LRRC4C: variants seen among roughly 807,000 people sequenced by gnomAD.
LRRC4C encodes leucine-rich repeat-containing protein 4C.
Under a neutral mutation model 33.6 loss-of-function variants are expected in LRRC4C, and 5 were observed. That is an observed-to-expected ratio of 0.15 (90% CI 0.08 to 0.31). LRRC4C has a LOEUF of 0.31. LRRC4C is among the 10% of genes least tolerant of loss of function. The pLI is 1.00. For missense variants in LRRC4C, 560 were observed against 796.7 expected (o/e 0.70, Z 3.58); for synonymous variants, 329 against 302.0 (o/e 1.09, Z -0.93).
At chr11:41,352,998 C>T (rs1186753920) in intron 1 of LRRC4C, among the ~76,000 whole-genome samples, 1 of 151,968 alleles carries the variant, frequency 6.6e-6, no homozygotes, top group Non-Finnish European at 1.5e-5. Context: ...CCAATGCTAG[C>T]AGACTTTTTC....
intron 1 of LRRC4C, among the ~76,000 whole-genome samples, chr11:41,408,028 T>C (rs1157643091): frequency 6.6e-6 from 1 of 152,200 alleles, no homozygotes; most frequent in Non-Finnish European, 1.5e-5. Context: ...AGCCAGGCTG[T>C]ATGTTAGGCC....
chr11:41,089,587 A>T (rs542899966), intron 1 of LRRC4C, among the ~76,000 whole-genome samples: 1 of 151,034 alleles, frequency 6.6e-6, no homozygotes, highest in African/African-American at 2.5e-5. Flanking sequence ...TAAATCTATA[A>T]TTTTTGTAAA....
intron 2 of LRRC4C, among the ~76,000 whole-genome samples, chr11:40,743,524 A>C (rs910926581): frequency 6.6e-6 from 1 of 152,170 alleles, no homozygotes; most frequent in Middle Eastern, 3.4e-3. Flanking sequence ...CACCTATATT[A>C]TAGGGTTGTA....
intron 1 of LRRC4C, among the ~76,000 whole-genome samples, chr11:41,229,328 T>G (rs1947679908): frequency 6.6e-6 from 1 of 152,096 alleles, no homozygotes; most frequent in Non-Finnish European, 1.5e-5. Context: ...TGGTTGGCAT[T>G]TGGATCTTAG....
intron 3 of LRRC4C, among the ~76,000 whole-genome samples, chr11:40,409,834 G>T (rs187326640): frequency 6.6e-6 from 1 of 152,128 alleles, no homozygotes; most frequent in African/African-American, 2.4e-5. Context: ...GTTCCTCAAA[G>T]AATTGAAAAT....
chr11:41,249,279 C>A lies in LRRC4C; in HGVS notation c.-496+210152G>T, dbSNP rs192911179. Among the ~76,000 whole-genome samples the A allele has an allele frequency of 1.4e-3, 208 of 152,190 alleles. 3 individuals carry two copies. The highest frequency in any genetic ancestry group is 1.8e-3 in the Non-Finnish European group (120 of 67,996). On this transcript the variant is annotated intron_variant, in intron 1 of 6. Coordinates refer to ENST00000528697, the MANE Select transcript of LRRC4C (RefSeq NM_001258419.2). ...TCGATCTCCTGGCCTCGTGATCTGCCCTCCTCGGCCTCCCAAAGTGCTGGG... is the reference window on the plus strand; with the variant it reads ...TCGATCTCCTGGCCTCGTGATCTGCACTCCTCGGCCTCCCAAAGTGCTGGG...
At chr11:40,763,383 G>A (rs1262127771) in intron 2 of LRRC4C, among the ~76,000 whole-genome samples, 1 of 152,032 alleles carries the variant, frequency 6.6e-6, no homozygotes, top group Non-Finnish European at 1.5e-5. Context: ...AATAGGGCAG[G>A]AGGCAGAGCA....
intron 1 of LRRC4C, among the ~76,000 whole-genome samples, chr11:41,193,390 G>A (rs1444975497): frequency 2.0e-5 from 3 of 151,946 alleles, no homozygotes; most frequent in East Asian, 1.9e-4. Context: ...TCTATGGGAC[G>A]AATTGTCAAC....
At chr11:41,147,633 C>T (rs976877540) in intron 1 of LRRC4C, among the ~76,000 whole-genome samples, 1 of 152,090 alleles carries the variant, frequency 6.6e-6, no homozygotes, top group African/African-American at 2.4e-5. Flanking sequence ...TATATGTATG[C>T]AATGTGAGAG....
intron 2 of LRRC4C, among the ~76,000 whole-genome samples, chr11:40,817,443 C>T (rs994367280): frequency 1.9e-4 from 29 of 152,126 alleles, no homozygotes; most frequent in African/African-American, 6.8e-4. Context: ...AGATATGATG[C>T]GTTGCATCAT....
chr11:40,517,494 T>C (rs1278013303), intron 3 of LRRC4C, among the ~76,000 whole-genome samples: 2 of 152,164 alleles, frequency 1.3e-5, no homozygotes, highest in Non-Finnish European at 2.9e-5. Context: ...GATAAGTTTC[T>C]CTCCAGCCTT....
intron 2 of LRRC4C, among the ~76,000 whole-genome samples, chr11:40,836,481 T>C (rs1175711637): frequency 1.3e-5 from 2 of 152,208 alleles, no homozygotes; most frequent in Non-Finnish European, 2.9e-5. Context: ...TATGCACTCT[T>C]TAGGGGGCAT....
At chr11:40,262,322 G>A (rs935852088) in intron 4 of LRRC4C, among the ~76,000 whole-genome samples, 4 of 152,128 alleles carry the variant, frequency 2.6e-5, no homozygotes, top group African/African-American at 9.7e-5. Context: ...TCATTAAAAA[G>A]TCGGGAAACA....
chr11:40,911,718 G>A (rs1345465137), intron 2 of LRRC4C, among the ~76,000 whole-genome samples: 1 of 152,202 alleles, frequency 6.6e-6, no homozygotes, highest in Non-Finnish European at 1.5e-5. Context: ...TGAGTTGAGA[G>A]AAGAAGGCTT....
chr11:40,293,212 G>A (rs1235234012), intron 4 of LRRC4C: 1 of 152,486 alleles, frequency 6.6e-6, no homozygotes, highest in African/African-American at 2.4e-5. Context: ...GCGGGGGCGG[G>A]GGCGGGGGCG....
intron 2 of LRRC4C, among the ~76,000 whole-genome samples, chr11:40,874,349 C>T (rs554431852): frequency 5.3e-5 from 8 of 152,228 alleles, no homozygotes; most frequent in African/African-American, 1.7e-4. Flanking sequence ...CTCTCCACAT[C>T]TCACCATTTT....
At chr11:40,847,763 A>C (rs535317194) in intron 2 of LRRC4C, among the ~76,000 whole-genome samples, 3 of 146,120 alleles carry the variant, frequency 2.1e-5, no homozygotes, top group Admixed American at 7.1e-5. Flanking sequence ...TTAGGCTGTA[A>C]ATCCGTTTGG....
intron 1 of LRRC4C, among the ~76,000 whole-genome samples, chr11:41,092,540 T>C (rs1411157700): frequency 6.6e-6 from 1 of 152,216 alleles, no homozygotes; most frequent in Non-Finnish European, 1.5e-5. Context: ...CCAGGCAGAA[T>C]AATCCTAGGC....
chr11:41,158,538 T>C (rs2136008688), intron 1 of LRRC4C, among the ~76,000 whole-genome samples: 1 of 152,234 alleles, frequency 6.6e-6, no homozygotes, highest in Non-Finnish European at 1.5e-5. Context: ...CAGCCACCGC[T>C]CCTTCTTCTT....
Sources: allele counts gnomAD v4.1 joint callset (sites outside exome capture counted in the v4.1 genomes callset), GRCh38; gene constraint gnomAD v4.1.1; transcripts MANE v1.5; gene names NCBI Gene and HGNC (gene_info 2026-07-23, HGNC 2026-07-21).